Variants in EPHA3 observed in about 807,000 individuals in gnomAD.
The protein encoded by EPHA3 is EPH receptor A3.
A neutral mutation model predicts 107.1 loss-of-function variants in EPHA3; 42 were observed. The observed-to-expected ratio is 0.39, with a 90% confidence interval of 0.31 to 0.51. EPHA3 has a LOEUF of 0.51. Among genes scored for constraint, EPHA3 ranks in the 20% least tolerant of loss-of-function variants. EPHA3 has a pLI of 0.78. For synonymous variants in EPHA3, 461 were observed against 424.8 expected (o/e 1.09, Z -1.05); for missense variants, 1,183 against 1,211.2 (o/e 0.98, Z 0.35).
chr3:89,122,190 G>A (rs1460896178), intron 1 of EPHA3, among the ~76,000 whole-genome samples: 5 of 152,166 alleles, frequency 3.3e-5, no homozygotes, highest in Admixed American at 6.5e-5. Context: ...AAATCATAAA[G>A]ATAAGTATTT....
intron 6 of EPHA3, 32 bp from the exon 7 acceptor site, chr3:89,399,286 T>C (rs537063111): frequency 1.5e-5 from 24 of 1,579,382 alleles, no homozygotes; most frequent in Non-Finnish European, 2.0e-5. Flanking sequence ...AAGATTTGAT[T>C]TTAACATGAA....
chr3:89,188,582 A>G (rs4128782), intron 2 of EPHA3, among the ~76,000 whole-genome samples: 54,757 of 151,994 alleles, frequency 0.36, 12,122 homozygotes, highest in Admixed American at 0.48. Flanking sequence ...ATCACCATCT[A>G]CATATTGACC....
chr3:89,417,991 A>G (rs1397611229), intron 10 of EPHA3, among the ~76,000 whole-genome samples: 1 of 151,356 alleles, frequency 6.6e-6, no homozygotes, highest in Non-Finnish European at 1.5e-5. Context: ...ATTTGTAGTA[A>G]TGTAGCTGGC....
chr3:89,149,583 A>G (rs1704644639), intron 2 of EPHA3, among the ~76,000 whole-genome samples: 1 of 151,710 alleles, frequency 6.6e-6, no homozygotes, highest in African/African-American at 2.4e-5. Flanking sequence ...TGCTGCACCC[A>G]TTAACTCATC....
At chr3:89,383,639 CTTTTT>C (rs71621546) in intron 5 of EPHA3, among the ~76,000 whole-genome samples, 24 of 87,960 alleles carry the variant, frequency 2.7e-4, no homozygotes, top group Non-Finnish European at 1.9e-4. Context: ...ACTTCTTCTT[CTTTTT>C]TTTTTTTTTT....
chr3:89,236,893 G>A (rs1194130057), intron 3 of EPHA3, among the ~76,000 whole-genome samples: 1 of 152,086 alleles, frequency 6.6e-6, no homozygotes, highest in Non-Finnish European at 1.5e-5. Flanking sequence ...GATGAAGTGA[G>A]GAAGACAATA....
chr3:89,238,631 G>A (rs534970946), intron 3 of EPHA3, among the ~76,000 whole-genome samples: 30 of 152,210 alleles, frequency 2.0e-4, no homozygotes, highest in Non-Finnish European at 3.1e-4. Context: ...CATTTATGAC[G>A]ATTTACCTGT....
At chr3:89,475,909 G>A (rs1235703528) in intron 16 of EPHA3, among the ~76,000 whole-genome samples, 1 of 145,794 alleles carries the variant, frequency 6.9e-6, no homozygotes, top group East Asian at 1.9e-4. Context: ...AGCAACTGGG[G>A]GTTCCAAATT....
chr3:89,174,835 A>C (rs1345323744), intron 2 of EPHA3, among the ~76,000 whole-genome samples: 1 of 152,012 alleles, frequency 6.6e-6, no homozygotes, highest in Admixed American at 6.6e-5. Context: ...ATAAATAATT[A>C]TAAGATGTTT....
rs534092894 is a variant in EPHA3, at chr3:89,130,407, T to A, written c.153+3134T>A. 4.6e-5 allele frequency among the ~76,000 whole-genome samples: 7 copies of A among 152,232 alleles called. No individual in the cohort carries two copies. The South Asian group carries it at 1.2e-3, about 27-fold the overall frequency. On this transcript the variant is annotated intron_variant, in intron 2 of 16. Transcript: ENST00000336596. Reference sequence around the variant, plus strand: ...CTGTTGAAATATAAATTTTAAAAAATAAATAAGTGATTCATTTCAAACTTG... The same window carrying A: ...CTGTTGAAATATAAATTTTAAAAAAAAAATAAGTGATTCATTTCAAACTTG...
chr3:89,130,464 C>T (rs1704182065), intron 2 of EPHA3, among the ~76,000 whole-genome samples: 1 of 152,032 alleles, frequency 6.6e-6, no homozygotes, highest in Admixed American at 6.6e-5. Context: ...ATCATCTGAG[C>T]TATAAAAAAT....
At chr3:89,239,319 G>A (rs1014877119) in intron 3 of EPHA3, among the ~76,000 whole-genome samples, 2 of 152,122 alleles carry the variant, frequency 1.3e-5, no homozygotes, top group African/African-American at 2.4e-5. Context: ...TATTTCACCA[G>A]TGATTTCATT....
intron 2 of EPHA3, among the ~76,000 whole-genome samples, chr3:89,132,914 G>A (rs1007788971): frequency 6.6e-6 from 1 of 151,962 alleles, no homozygotes; most frequent in African/African-American, 2.4e-5. Context: ...TTTAAATCTT[G>A]AAAAACATTT....
intron 5 of EPHA3, among the ~76,000 whole-genome samples, chr3:89,343,515 T>C (rs1443564473): frequency 6.6e-6 from 1 of 152,088 alleles, no homozygotes; most frequent in East Asian, 1.9e-4. Flanking sequence ...ATAAGAGGGG[T>C]ATACAGAGCC....
chr3:89,191,384 G>A (rs562511392), intron 2 of EPHA3, among the ~76,000 whole-genome samples: 1 of 151,802 alleles, frequency 6.6e-6, no homozygotes, highest in South Asian at 2.1e-4. Context: ...TCGGCTCACT[G>A]CAAGCTCCGC....
At chr3:89,223,147 A>G (rs1704420391) in intron 3 of EPHA3, among the ~76,000 whole-genome samples, 1 of 152,214 alleles carries the variant, frequency 6.6e-6, no homozygotes, top group African/African-American at 2.4e-5. Flanking sequence ...TCATGACAAC[A>G]TGTATGCTGC....
At chr3:89,261,609 A>G (rs1432458456) in intron 3 of EPHA3, among the ~76,000 whole-genome samples, 1 of 152,134 alleles carries the variant, frequency 6.6e-6, no homozygotes, top group East Asian at 1.9e-4. Flanking sequence ...CTCAAAATAA[A>G]TATATCTTAA....
At position 89,179,353 on chromosome 3, in the gene EPHA3, T is replaced by A. The variant is rs367606044; in HGVS notation, c.154-30507T>A. ...GAGAAGGGGTTTTAAACCAGTCTAA[T>A]TTCTTTAAAAAGGAGGGGAACTTTT... On this transcript the variant is annotated intron_variant, in intron 2 of 16. Transcript: ENST00000336596. 3.9e-5 allele frequency among the ~76,000 whole-genome samples: 6 copies of A among 152,090 alleles called. No homozygotes were observed. In the East Asian group the frequency reaches 7.7e-4, roughly 20 times the overall value.
chr3:89,310,096 T>C (rs1441894213), intron 3 of EPHA3, among the ~76,000 whole-genome samples: 3 of 152,040 alleles, frequency 2.0e-5, no homozygotes, highest in Non-Finnish European at 4.4e-5. Context: ...AACAGTACAA[T>C]TGTTAAAATG....
Sources: gnomAD v4.1 joint callset for allele counts (sites outside exome capture counted in the v4.1 genomes callset) on GRCh38, gnomAD v4.1.1 for gene constraint, MANE v1.5 for transcripts, NCBI Gene and HGNC (gene_info 2026-07-23, HGNC 2026-07-21) for gene names.